SLIT3: variants seen among roughly 807,000 people sequenced by gnomAD.
SLIT3 encodes the protein slit guidance ligand 3.
A neutral mutation model predicts 184.0 loss-of-function variants in SLIT3; 68 were observed. The ratio of observed to expected loss-of-function variants is 0.37; its 90% CI spans 0.30 to 0.45. The LOEUF (loss-of-function observed/expected upper bound fraction) is 0.45, where lower values mean the gene tolerates loss of function less well. Ranked by LOEUF, SLIT3 falls within the 20% of genes least tolerant of loss-of-function variation. The pLI is 1.00. For synonymous variants in SLIT3, 831 were observed against 828.6 expected, an observed-to-expected ratio of 1.00 and a Z score of -0.05; for missense variants, 1,707 against 2,026.0, an observed-to-expected ratio of 0.84 and a Z score of 3.02.
At chr5:169,266,009 A>C (rs1766385800) in intron 1 of SLIT3, among the ~76,000 whole-genome samples, 2 of 152,166 alleles carry the variant, frequency 1.3e-5, no homozygotes, top group Non-Finnish European at 2.9e-5. Flanking sequence ...AATTCTTCCT[A>C]AATTCTTCCT....
At chr5:169,179,154 G>C (rs1163031867) in intron 4 of SLIT3, among the ~76,000 whole-genome samples, 2 of 151,912 alleles carry the variant, frequency 1.3e-5, no homozygotes, top group African/African-American at 4.8e-5. Flanking sequence ...TTCATTTCAG[G>C]TCTGGACTAA....
At chr5:168,746,328 T>TG (rs879774249) in intron 20 of SLIT3, among the ~76,000 whole-genome samples, 15,443 of 99,772 alleles carry the variant, frequency 0.15, 1,281 homozygotes, top group Admixed American at 0.29. Flanking sequence ...TGGTATGTGG[T>TG]GTGTGAGTGT....
intron 3 of SLIT3, among the ~76,000 whole-genome samples, chr5:169,212,683 A>G (rs1561742637): frequency 6.6e-6 from 1 of 152,158 alleles, no homozygotes; most frequent in Non-Finnish European, 1.5e-5. Context: ...TTTAGACATG[A>G]AGTCTTTGCC....
At chr5:169,160,139 T>A (rs1762432593) in intron 4 of SLIT3, among the ~76,000 whole-genome samples, 1 of 152,264 alleles carries the variant, frequency 6.6e-6, no homozygotes, top group Non-Finnish European at 1.5e-5. Flanking sequence ...TAGTTGAACT[T>A]AATCCTCACT....
At chr5:168,960,844 C>T (rs150972719) in intron 4 of SLIT3, among the ~76,000 whole-genome samples, 38 of 152,294 alleles carry the variant, frequency 2.5e-4, no homozygotes, top group African/African-American at 7.9e-4. Flanking sequence ...TATTAGTTTG[C>T]CAACACTAAT....
chr5:169,148,882 TA>T (rs11325086), intron 4 of SLIT3, among the ~76,000 whole-genome samples: 66,004 of 148,824 alleles, frequency 0.44, 15,947 homozygotes, highest in African/African-American at 0.66. Context: ...CAGTGTTACT[TA>T]AAAAAAAAAA....
intron 1 of SLIT3, among the ~76,000 whole-genome samples, chr5:169,260,027 T>G (rs892795791): frequency 6.6e-6 from 1 of 152,148 alleles, no homozygotes; most frequent in African/African-American, 2.4e-5. Context: ...CGCCTCCACA[T>G]TCAAGTTCCC....
At chr5:168,724,650 ATTTG>A (rs975253950) in intron 20 of SLIT3, among the ~76,000 whole-genome samples, 166 bp from the exon 21 acceptor site, 82 of 151,756 alleles carry the variant, frequency 5.4e-4, no homozygotes, top group African/African-American at 1.9e-3. Flanking sequence ...TTTAATATTT[ATTTG>A]ATTATCCAAT....
intron 4 of SLIT3, among the ~76,000 whole-genome samples, chr5:168,909,736 C>T (rs753411427): frequency 6.6e-6 from 1 of 152,138 alleles, no homozygotes; most frequent in African/African-American, 2.4e-5. Context: ...CTTTCCTCTC[C>T]GCTAGTCTCC....
intron 4 of SLIT3, among the ~76,000 whole-genome samples, chr5:169,100,745 T>C (rs1473329416): frequency 1.3e-5 from 2 of 152,178 alleles, no homozygotes; most frequent in Non-Finnish European, 2.9e-5. Context: ...AGTGATCCTG[T>C]GACCAATTCC....
chr5:168,922,480 G>A (rs1474202410), intron 4 of SLIT3, among the ~76,000 whole-genome samples: 1 of 134,834 alleles, frequency 7.4e-6, no homozygotes, highest in African/African-American at 2.8e-5. Flanking sequence ...AAAAAAAGAA[G>A]TGGAAGGTGG....
At position 168,690,916 on chromosome 5, in the gene SLIT3, C is replaced by T. The variant is rs370931684; in HGVS notation, c.3176+1691G>A. Among the ~76,000 whole-genome samples, 8 of 152,292 alleles carry T rather than the reference C, an allele frequency of 5.3e-5. No individual in the cohort carries two copies. The East Asian group carries it at 1.5e-3, about 29-fold the overall frequency. ...CATGTCTGCTTGTCACCCTTACTTA[C>T]TTGCTTCTTCTTCCCCCAGTGGAGC... On this transcript the variant is annotated intron_variant, in intron 29 of 35. Coordinates refer to ENST00000519560, the MANE Select transcript of SLIT3 (RefSeq NM_003062.4).
chr5:168,831,894 A>G (rs902041174), intron 6 of SLIT3, among the ~76,000 whole-genome samples: 3 of 152,234 alleles, frequency 2.0e-5, no homozygotes, highest in Admixed American at 2.0e-4. Flanking sequence ...CTCGGTGTTC[A>G]AAGAAAAACA....
chr5:168,829,356 C>A lies in SLIT3; in HGVS notation c.558-6025G>T, dbSNP rs1282590508. 5.3e-5 allele frequency among the ~76,000 whole-genome samples: 8 copies of A among 152,224 alleles called. 1 individual carries two copies. The highest frequency in any genetic ancestry group is 5.2e-4 in the Admixed American group (8 of 15,286). ...GCATCTGCAGTAAGTGCCACTGCAGCCTCTCTGTGTGCCAACCTTCCTGTG... is the reference window on the plus strand; with the variant it reads ...GCATCTGCAGTAAGTGCCACTGCAGACTCTCTGTGTGCCAACCTTCCTGTG... On this transcript the variant is annotated intron_variant, in intron 6 of 35. Transcript: ENST00000519560.
chr5:168,925,944 A>C (rs536797684), intron 4 of SLIT3, among the ~76,000 whole-genome samples: 109 of 152,350 alleles, frequency 7.2e-4, no homozygotes, highest in African/African-American at 2.6e-3. Context: ...GTCAGGTAGA[A>C]TCCTGGAATC....
rs895340155 is a variant in SLIT3 at position 168,661,955 on chromosome 5, A to T, written c.*4499T>A. The stretch of plus-strand genomic sequence containing the variant: ...AAAAGCAAGCTTTGCCAAATGCCTG[A>T]TTATGCCTTTACTGGTCCTGCTAGC... On this transcript the variant is annotated 3_prime_UTR_variant, in exon 36 of 36. Transcript: ENST00000519560. 2.0e-5 allele frequency: 3 copies of T among 152,226 alleles called. No homozygotes were observed. The highest frequency in any genetic ancestry group is 7.2e-5 in the African/African-American group (3 of 41,450). The allele number at this position is 152,226 out of a possible 1,614,324, so 9.4% of individuals were successfully genotyped here.
At chr5:169,293,029 G>T (rs192504622) in intron 1 of SLIT3, among the ~76,000 whole-genome samples, 2 of 152,318 alleles carry the variant, frequency 1.3e-5, no homozygotes, top group East Asian at 3.9e-4. Flanking sequence ...TACAGTCCAA[G>T]AAGATTGGAA....
At position 168,798,220 on chromosome 5, in the gene SLIT3, C is replaced by CTTTTTTTTTTTTTTT. The variant is rs575178855; in HGVS notation, c.936-2643_936-2642insAAAAAAAAAAAAAAA. 3.4e-4 allele frequency among the ~76,000 whole-genome samples: 38 copies of CTTTTTTTTTTTTTTT among 112,248 alleles called. 2 individuals carry two copies. The highest frequency in any genetic ancestry group is 8.3e-4 in the East Asian group (3 of 3,620). 73.6% of individuals were successfully genotyped at this position (112,248 alleles called of 152,430 possible). A position where few individuals can be genotyped will look rare whatever the true frequency, so the allele number is the denominator to read the frequency against. On this transcript the variant is annotated intron_variant, in intron 9 of 35. Transcript: ENST00000519560. ...CTTTTGGTTTTCTTTTCTTCTTCTT[C>CTTTTTTTTTTTTTTT]TTCTTTTTTTTTTTTTTTTAAGAGA...
At chr5:168,829,440 G>A (rs1320361093) in intron 6 of SLIT3, among the ~76,000 whole-genome samples, 1 of 152,108 alleles carries the variant, frequency 6.6e-6, no homozygotes, top group Non-Finnish European at 1.5e-5. Context: ...GACTCCTTGG[G>A]TCCAAGAGAT....
Sources: allele counts gnomAD v4.1 joint callset (sites outside exome capture counted in the v4.1 genomes callset), GRCh38; gene constraint gnomAD v4.1.1; transcripts MANE v1.5; gene names NCBI Gene and HGNC (gene_info 2026-07-23, HGNC 2026-07-21).